Variants in C14orf180 observed in about 807,000 individuals in gnomAD.
The protein encoded by C14orf180 is chromosome 14 open reading frame 180, also known as nutritionally-regulated adipose and cardiac enriched protein homolog.
A neutral mutation model predicts 13.9 loss-of-function variants in C14orf180; 13 were observed. The observed-to-expected ratio is 0.94, with a 90% confidence interval of 0.61 to 1.49. C14orf180 has a LOEUF of 1.49. Among genes scored for constraint, C14orf180 ranks in the 40% most tolerant of loss-of-function variants. The pLI is 0.00. For synonymous variants in C14orf180, 113 were observed against 106.3 expected (o/e 1.06, Z -0.39); for missense variants, 238 against 232.0 (o/e 1.03, Z -0.17).
chr14:104,586,652 G>A lies in C14orf180; in HGVS notation c.111+111G>A, dbSNP rs192571540. On this transcript the variant is annotated intron_variant, in intron 2 of 4. Transcript: ENST00000557649. The stretch of plus-strand genomic sequence containing the variant: ...GCCATCCTCCACCCCAGGAATCAGG[G>A]GGTGATAGGAGGAGGGCAGGGGGAT... 839 of 542,670 alleles carry A rather than the reference G, an allele frequency of 1.5e-3. 10 individuals carry two copies. The highest frequency in any genetic ancestry group is 0.015 in the African/African-American group (772 of 50,192). 33.6% of individuals were successfully genotyped at this position (542,670 alleles called of 1,614,324 possible). A position where few individuals can be genotyped will look rare whatever the true frequency, so the allele number is the denominator to read the frequency against.
chr14:104,581,389 G>A (rs1351964148), intron 1 of C14orf180: 1 of 152,320 alleles, frequency 6.6e-6, no homozygotes, highest in Non-Finnish European at 1.5e-5. Flanking sequence ...GGGCCACCAA[G>A]CCCGTGGTTG....
At chr14:104,586,681 T>G in intron 2 of C14orf180, 140 bp downstream of exon 2, 1 of 25,930 alleles carries the variant, frequency 3.9e-5, no homozygotes. Flanking sequence ...GGGGGATCAC[T>G]GAGGGCTGGG....
In C14orf180 at chr14:104,588,685, G is replaced by T; in HGVS notation, c.385G>T (p.Ala129Ser). The change falls in exon 5 of 5, where the codon GCA (alanine) becomes TCA (serine). Residue 129 changes from alanine (A) to serine (S), a missense_variant. Ala to Ser is a moderately conservative substitution (Grantham distance 99). Transcript: ENST00000557649. ...ATACTGCGGCCGGGCCAAGCCCGTG[G>T]CAACGGCACTGGAGGACCTGCGGGC... The part of the protein sequence containing the change: ...GLYCGRAKPV[A>S]TALEDLRARL... 1 of 1,535,304 alleles carries T rather than the reference G, an allele frequency of 6.5e-7. No homozygotes were observed. Among genetic ancestry groups the T allele is most frequent in the Non-Finnish European group, 8.7e-7 (1 of 1,146,054 alleles).
At chr14:104,585,111 G>A (rs778047538) in intron 1 of C14orf180, among the ~76,000 whole-genome samples, 15 of 152,210 alleles carry the variant, frequency 9.9e-5, no homozygotes, top group Non-Finnish European at 1.5e-4. Flanking sequence ...GGAGGACCAC[G>A]GGGAGCCAGG....
intron 3 of C14orf180, 106 bp from the exon 4 acceptor site, chr14:104,588,168 T>A (rs1285991892): frequency 3.6e-6 from 5 of 1,390,982 alleles, no homozygotes; most frequent in African/African-American, 1.4e-5. Context: ...CTCTCACTGA[T>A]GAATAGTCTC....
In C14orf180 at chr14:104,589,975, G is replaced by A. The variant is rs1886791333; in HGVS notation, c.*1192G>A. ...CTCCTGCAGGCCTGGGAGTGGATGT[G>A]TCCACTCGGGCAGGGGCTGACCAAG... On this transcript the variant is annotated 3_prime_UTR_variant, in exon 5 of 5. Transcript: ENST00000557649. The surrounding 1 kb of genome is among the most constrained non-coding windows in gnomAD (Gnocchi z 4.9). 1 of 152,228 alleles carries A rather than the reference G, an allele frequency of 6.6e-6. No individual in the cohort carries two copies. Among genetic ancestry groups the A allele is most frequent in the Non-Finnish European group, 1.5e-5 (1 of 68,062 alleles). 9.4% of individuals were successfully genotyped at this position (152,228 alleles called of 1,614,324 possible). A position where few individuals can be genotyped will look rare whatever the true frequency, so the allele number is the denominator to read the frequency against.
intron 1 of C14orf180, among the ~76,000 whole-genome samples, chr14:104,582,688 C>A (rs1203135040): frequency 6.6e-6 from 1 of 152,314 alleles, no homozygotes; most frequent in East Asian, 1.9e-4. Flanking sequence ...CTGGTAAGAA[C>A]CCCCCAGCCC....
At chr14:104,583,922 GCA>G (rs776570158) in intron 1 of C14orf180, among the ~76,000 whole-genome samples, 54 of 151,914 alleles carry the variant, frequency 3.6e-4, no homozygotes, top group Non-Finnish European at 7.2e-4. Flanking sequence ...ACACCTCCAT[GCA>G]CACATTCACA....
intron 1 of C14orf180, among the ~76,000 whole-genome samples, chr14:104,583,781 AAC>A (rs1220671467): frequency 1.3e-5 from 2 of 151,962 alleles, no homozygotes; most frequent in East Asian, 1.9e-4. Context: ...ACTCTACACA[AAC>A]ACACACACAT....
chr14:104,587,215 T>A (rs1174571143), intron 2 of C14orf180, among the ~76,000 whole-genome samples: 1 of 152,104 alleles, frequency 6.6e-6, no homozygotes, highest in Non-Finnish European at 1.5e-5. Flanking sequence ...CCCATACACG[T>A]GAGCAGACCA....
rs375304625 is a variant in C14orf180 at position 104,587,802 on chromosome 14, C to G, written c.165C>G (p.His55Gln). 190 of 1,612,524 alleles carry G rather than the reference C, an allele frequency of 1.2e-4. No homozygotes were observed. Among genetic ancestry groups the G allele is most frequent in the Non-Finnish European group, 1.5e-4 (180 of 1,179,640 alleles). The change falls in exon 3 of 5, where the codon CAC becomes CAG. Residue 55 changes from histidine to glutamine, a missense_variant. Physicochemically the swap from His to Gln is conservative, Grantham distance 24. Transcript: ENST00000557649. ...TCCTGAAACGGAGCCGGCCGGAGCA[C>G]CACCGCCCAGAGGCCAAGCCCCAGA... ...PSILKRSRPE[H>Q]HRPEAKPQRT...
intron 1 of C14orf180, among the ~76,000 whole-genome samples, chr14:104,580,861 C>T (rs1596284986): frequency 6.6e-6 from 1 of 152,372 alleles, no homozygotes; most frequent in East Asian, 1.9e-4. Flanking sequence ...CTGGAGCTCT[C>T]GAGGCCTAGG....
Position 104,586,320 on chromosome 14 carries a change from T to A in C14orf180, c.-16-95T>A, listed in dbSNP as rs531409453. On this transcript the variant is annotated intron_variant, in intron 1 of 4. Coordinates refer to ENST00000557649, the MANE Select transcript of C14orf180 (RefSeq NM_001008404.3). Reference sequence around the variant, plus strand: ...CGGTCGCAAGCCCGGGAAGCCAGCCTGGCTTCCAGGAAAGAATTTTCTCCT... The same window carrying A: ...CGGTCGCAAGCCCGGGAAGCCAGCCAGGCTTCCAGGAAAGAATTTTCTCCT... 1.8e-4 allele frequency: 154 copies of A among 868,466 alleles called. 2 individuals carry two copies. In the South Asian group the frequency reaches 3.3e-3, roughly 19 times the overall value. The allele number at this position is 868,466 out of a possible 1,614,324, so 53.8% of individuals were successfully genotyped here.
intron 1 of C14orf180, among the ~76,000 whole-genome samples, chr14:104,580,895 A>T (rs1886411221): frequency 6.6e-6 from 1 of 152,206 alleles, no homozygotes; most frequent in Non-Finnish European, 1.5e-5. Context: ...CCAGCAGATG[A>T]GCAGCCATCA....
intron 1 of C14orf180, among the ~76,000 whole-genome samples, chr14:104,582,071 C>T (rs897070200): frequency 6.6e-6 from 1 of 152,192 alleles, no homozygotes; most frequent in Admixed American, 6.5e-5. Context: ...GAGCCAGCTG[C>T]TGCATGGGGG....
rs767445323 is a variant in C14orf180, at chr14:104,586,519, C to G, written c.89C>G (p.Pro30Arg). The G allele has an allele frequency of 1.9e-6, 3 of 1,544,648 alleles. No homozygotes were observed. The highest frequency in any genetic ancestry group is 2.0e-5 in the Admixed American group (1 of 50,290). ...AAGAATGAGGAGGCCGCGTGGGGCC[C>G]GCGGGTGTGCAGGGCAGAGAGGGTA... Reference protein sequence around the residue: ...TRKNEEAAWGPRVCRAEREDN... With the variant: ...TRKNEEAAWGRRVCRAEREDN... Residue 30 changes from proline to arginine, a missense_variant, in exon 2 of 5, where the codon CCG (proline) becomes CGG (arginine). By Grantham distance (103) the Pro-to-Arg change is moderately radical. Coordinates refer to ENST00000557649, the MANE Select transcript of C14orf180 (RefSeq NM_001008404.3).
chr14:104,584,778 A>G (rs1886561313), intron 1 of C14orf180, among the ~76,000 whole-genome samples: 1 of 152,228 alleles, frequency 6.6e-6, no homozygotes, highest in South Asian at 2.1e-4. Context: ...ATCCGGCGAT[A>G]GCAGAAAATT....
At chr14:104,584,689 C>T (rs1886555863) in intron 1 of C14orf180, among the ~76,000 whole-genome samples, 1 of 152,172 alleles carries the variant, frequency 6.6e-6, no homozygotes, top group African/African-American at 2.4e-5. Context: ...GAGAGCAGGT[C>T]CTGAAGATAA....
chr14:104,580,803 T>C (rs1886407730), intron 1 of C14orf180, among the ~76,000 whole-genome samples: 1 of 152,198 alleles, frequency 6.6e-6, no homozygotes, highest in Non-Finnish European at 1.5e-5. Context: ...ACAGCCCCCA[T>C]TCCACATATG....
Sources: gnomAD v4.1 joint callset for allele counts (sites outside exome capture counted in the v4.1 genomes callset) on GRCh38, gnomAD v4.1.1 for gene constraint, Gnocchi (gnomAD v3.1) non-coding constraint, MANE v1.5 for transcripts, NCBI Gene and HGNC (gene_info 2026-07-23, HGNC 2026-07-21) for gene names.